Variants in FRMPD3 observed in about 807,000 individuals in gnomAD.
The protein encoded by FRMPD3 is FERM and PDZ domain-containing protein 3.
In FRMPD3, 42 loss-of-function variants were observed where a neutral mutation model predicts 97.9. That is an observed-to-expected ratio of 0.43 (90% CI 0.34 to 0.55). The LOEUF (loss-of-function observed/expected upper bound fraction) is 0.55, where lower values mean the gene tolerates loss of function less well. FRMPD3 is among the 20% of genes least tolerant of loss of function. The pLI is 0.03. For synonymous variants in FRMPD3, 577 were observed against 581.1 expected (o/e 0.99, Z 0.10); for missense variants, 1,303 against 1,457.7 (o/e 0.89, Z 1.73).
In FRMPD3 at chrX:107,598,105, C is replaced by T. The variant is rs1215127986; in HGVS notation, c.2226C>T (p.Ser742=). The T allele has an allele frequency of 3.3e-6, 4 of 1,207,759 alleles. No homozygotes were observed. The highest frequency in any genetic ancestry group is 3.5e-5 in the South Asian group (2 of 56,644). The change falls in exon 14 of 15, where the codon TCC becomes TCT. Residue 742 remains serine (S), a synonymous_variant. Coordinates refer to ENST00000683843, the MANE Select transcript of FRMPD3 (RefSeq NM_001388459.1). ...TLQALEALAA[S]EDGPHPPPPQ... ...AGGCTCTAGAAGCCCTGGCTGCATC[C>T]GAGGATGGACCACACCCACCACCCC...
At chrX:107,545,620 G>A in intron 4 of FRMPD3, 117 bp from the exon 5 acceptor site, 1 of 498,726 alleles carries the variant, frequency 2.0e-6, no homozygotes, top group Non-Finnish European at 3.4e-6. Context: ...TTTGTTTATT[G>A]ACTCCTTGAT....
chrX:107,488,058 T>A (rs1201045824), intron 1 of FRMPD3, among the ~76,000 whole-genome samples: 1 of 111,543 alleles, frequency 9.0e-6, no homozygotes, highest in Non-Finnish European at 1.9e-5. Flanking sequence ...TCCTCTCCTC[T>A]CTGCTCTCTC....
intron 1 of FRMPD3, among the ~76,000 whole-genome samples, chrX:107,497,991 C>A (rs1395192623): frequency 9.0e-6 from 1 of 111,677 alleles, no homozygotes; most frequent in Non-Finnish European, 1.9e-5. Context: ...GCTCCCCGAT[C>A]TTACCTGGCT....
At chrX:107,478,467 T>C (rs1225399837) in intron 1 of FRMPD3, among the ~76,000 whole-genome samples, 2 of 111,739 alleles carry the variant, frequency 1.8e-5, no homozygotes, top group African/African-American at 6.5e-5. Flanking sequence ...GGTTTAGTTG[T>C]CTCCTCAGAG....
At chrX:107,569,885 T>C (rs1326062850) in intron 12 of FRMPD3, among the ~76,000 whole-genome samples, 1 of 109,908 alleles carries the variant, frequency 9.1e-6, no homozygotes, top group Non-Finnish European at 1.9e-5. Context: ...GCATGGTGGC[T>C]TGCGCCTGTA....
At chrX:107,527,379 T>A (rs1467497156) in intron 2 of FRMPD3, among the ~76,000 whole-genome samples, 15 of 112,561 alleles carry the variant, frequency 1.3e-4, no homozygotes, top group African/African-American at 4.8e-4. Context: ...AGTAATATCA[T>A]TCCCATTTTG....
At chrX:107,477,353 TG>T (rs766954087) in intron 1 of FRMPD3, among the ~76,000 whole-genome samples, 209 of 20,139 alleles carry the variant, frequency 0.01, 1 homozygote, top group African/African-American at 0.031. Context: ...GGAGGGGGGC[TG>T]GGGGGTGGGG....
At chrX:107,464,638 G>A (rs1474127534) in intron 1 of FRMPD3, among the ~76,000 whole-genome samples, 1 of 111,824 alleles carries the variant, frequency 8.9e-6, no homozygotes, top group Non-Finnish European at 1.9e-5. Flanking sequence ...ACAGAGTACA[G>A]TAGCCAGAGT....
intron 1 of FRMPD3, among the ~76,000 whole-genome samples, chrX:107,524,218 G>A (rs1255109480): frequency 3.6e-5 from 4 of 112,646 alleles, no homozygotes; most frequent in Non-Finnish European, 7.5e-5. Context: ...ACGAGCTCCT[G>A]CCTGCCACCA....
chrX:107,477,752 C>T (rs1921239162), intron 1 of FRMPD3, among the ~76,000 whole-genome samples: 2 of 112,059 alleles, frequency 1.8e-5, no homozygotes, highest in South Asian at 3.8e-4. Context: ...TGGGGGTTGC[C>T]CCCTGGAGAG....
intron 1 of FRMPD3, among the ~76,000 whole-genome samples, chrX:107,463,616 A>G (rs1186196231): frequency 2.7e-5 from 3 of 112,749 alleles, no homozygotes; most frequent in Non-Finnish European, 5.6e-5. Context: ...AAGGGCAGGA[A>G]CATGTTGTTT....
intron 1 of FRMPD3, among the ~76,000 whole-genome samples, chrX:107,451,387 G>T (rs752532563): frequency 1.8e-5 from 2 of 112,184 alleles, no homozygotes; most frequent in South Asian, 3.7e-4. Flanking sequence ...GCTGGAGACC[G>T]GGGTAAATGG....
chrX:107,534,412 G>A (rs905349688), intron 4 of FRMPD3, among the ~76,000 whole-genome samples: 1 of 110,630 alleles, frequency 9.0e-6, no homozygotes, highest in African/African-American at 3.3e-5. Context: ...TATAGCCACA[G>A]GAGAGATCAC....
At chrX:107,588,133 A>G (rs1470859267) in intron 13 of FRMPD3, among the ~76,000 whole-genome samples, 1 of 111,308 alleles carries the variant, frequency 9.0e-6, no homozygotes, top group Non-Finnish European at 1.9e-5. Flanking sequence ...TGTTAGTCTG[A>G]TTGGCTTCCC....
intron 4 of FRMPD3, among the ~76,000 whole-genome samples, chrX:107,540,769 A>G (rs1921257736): frequency 8.9e-6 from 1 of 112,235 alleles, no homozygotes; most frequent in Admixed American, 9.5e-5. Context: ...ATCTATGCTT[A>G]ATGGATTGGG....
At chrX:107,481,401 A>G (rs770955946) in intron 1 of FRMPD3, among the ~76,000 whole-genome samples, 17 of 112,087 alleles carry the variant, frequency 1.5e-4, no homozygotes, top group Admixed American at 1.1e-3. Context: ...TTTGTCCCCA[A>G]TGTTGCTTTG....
At chrX:107,460,149 C>T (rs1931444869) in intron 1 of FRMPD3, among the ~76,000 whole-genome samples, 1 of 111,099 alleles carries the variant, frequency 9.0e-6, no homozygotes, top group East Asian at 2.8e-4. Flanking sequence ...GTTTACTACC[C>T]TTCTGATGGA....
At chrX:107,505,725 G>A (rs773701084) in intron 1 of FRMPD3, among the ~76,000 whole-genome samples, 66 of 112,728 alleles carry the variant, frequency 5.9e-4, no homozygotes, top group African/African-American at 1.9e-3. Context: ...CCAGAAGGAA[G>A]GCATAAGATA....
chrX:107,480,925 AAAG>A (rs1921348507), intron 1 of FRMPD3, among the ~76,000 whole-genome samples: 6 of 108,396 alleles, frequency 5.5e-5, no homozygotes, highest in Admixed American at 4.9e-4. Flanking sequence ...AGAAAGAAAG[AAAG>A]AAAGAAAGAA....
Sources: gnomAD v4.1 joint callset for allele counts (sites outside exome capture counted in the v4.1 genomes callset) on GRCh38, gnomAD v4.1.1 for gene constraint, MANE v1.5 for transcripts, NCBI Gene and HGNC (gene_info 2026-07-23, HGNC 2026-07-21) for gene names.